ATAD2B: variants seen among roughly 807,000 people sequenced by gnomAD.
ATAD2B encodes ATPase family AAA domain containing 2B, also known as ATPase family AAA domain-containing protein 2B.
ATAD2B carries 40 observed loss-of-function variants against 167.6 expected under a neutral mutation model. That is an observed-to-expected ratio of 0.24 (90% CI 0.19 to 0.31). ATAD2B has a LOEUF of 0.31. Ranked by LOEUF, ATAD2B falls within the 10% of genes least tolerant of loss-of-function variation. The pLI is 1.00. For synonymous variants in ATAD2B, 579 were observed against 596.5 expected (o/e 0.97, Z 0.43); for missense variants, 1,242 against 1,757.2 (o/e 0.71, Z 5.24).
At chr2:23,782,724 A>G in intron 22 of ATAD2B, 145 bp downstream of exon 22, 2 of 545,382 alleles carry the variant, frequency 3.7e-6, no homozygotes, top group Non-Finnish European at 6.2e-6. Context: ...ATTTTTATGT[A>G]GGCTATGAGC....
chr2:23,699,375 G>A, the ATAD2B span, among the ~76,000 whole-genome samples: 1 of 152,248 alleles, frequency 6.6e-6, no homozygotes, highest in African/African-American at 2.4e-5. Context: ...GAGCAGCATG[G>A]TGGGCGGTAG....
At chr2:23,905,858 C>A (rs534341923) in intron 1 of ATAD2B, among the ~76,000 whole-genome samples, 1 of 152,138 alleles carries the variant, frequency 6.6e-6, no homozygotes, top group Non-Finnish European at 1.5e-5. Flanking sequence ...AAGGTAGTCC[C>A]TGCCTTTCAT....
intron 18 of ATAD2B, chr2:23,800,071 C>A (rs1683234969): frequency 7.1e-6 from 1 of 141,706 alleles, no homozygotes; most frequent in Non-Finnish European, 1.5e-5. Context: ...ACAAAGGCAA[C>A]TGAGGCACTT....
At chr2:23,797,943 G>A (rs1311550752) in intron 19 of ATAD2B, among the ~76,000 whole-genome samples, 195 bp downstream of exon 19, 1 of 152,018 alleles carries the variant, frequency 6.6e-6, no homozygotes, top group Non-Finnish European at 1.5e-5. Context: ...TAACAACACT[G>A]TGGAATACCA....
intron 7 of ATAD2B, among the ~76,000 whole-genome samples, chr2:23,878,802 G>C (rs964123958): frequency 6.6e-6 from 1 of 151,990 alleles, no homozygotes; most frequent in Non-Finnish European, 1.5e-5. Context: ...CTAATATCCA[G>C]AACATATAAG....
At chr2:23,807,960 A>T (rs1375398787) in intron 18 of ATAD2B, among the ~76,000 whole-genome samples, 3 of 92,290 alleles carry the variant, frequency 3.3e-5, no homozygotes, top group African/African-American at 7.5e-5. Context: ...AATATTTATA[A>T]TATATATATT....
intron 1 of ATAD2B, among the ~76,000 whole-genome samples, chr2:23,922,069 C>G (rs1247818281): frequency 6.6e-6 from 1 of 152,164 alleles, no homozygotes; most frequent in South Asian, 2.1e-4. Context: ...TAAAGTAATA[C>G]AGCATTTTAC....
At chr2:23,834,152 CTT>C (rs11378615) in intron 13 of ATAD2B, 74 bp from the exon 14 acceptor site, 1,737 of 119,126 alleles carry the variant, frequency 0.015, no homozygotes, top group South Asian at 0.054. Flanking sequence ...ATCAGTCTTT[CTT>C]TTTTTTTTTT....
chr2:23,755,864 TAGG>T (rs1343784504), intron 25 of ATAD2B, among the ~76,000 whole-genome samples: 2 of 152,180 alleles, frequency 1.3e-5, no homozygotes, highest in African/African-American at 4.8e-5. Context: ...TACCATATGC[TAGG>T]AGTTTTGTTA....
At chr2:23,794,959 A>G (rs1050605801) in intron 19 of ATAD2B, among the ~76,000 whole-genome samples, 1 of 152,314 alleles carries the variant, frequency 6.6e-6, no homozygotes, top group Non-Finnish European at 1.5e-5. Context: ...GACACAAGAG[A>G]ATGTCAAAGA....
chr2:23,761,825 C>T (rs1676776121), intron 24 of ATAD2B, among the ~76,000 whole-genome samples: 1 of 152,176 alleles, frequency 6.6e-6, no homozygotes, highest in Non-Finnish European at 1.5e-5. Context: ...AGATCAGACA[C>T]ACCCACATGC....
chr2:23,836,146 GGCA>G (rs1172030813), intron 13 of ATAD2B, among the ~76,000 whole-genome samples: 1 of 152,158 alleles, frequency 6.6e-6, no homozygotes, highest in Non-Finnish European at 1.5e-5. Context: ...CCAGGCATGG[GGCA>G]GCAAGGGGTG....
At chr2:23,683,688 A>G in the ATAD2B span, among the ~76,000 whole-genome samples, 1 of 152,224 alleles carries the variant, frequency 6.6e-6, no homozygotes, top group African/African-American at 2.4e-5. Flanking sequence ...GCTGTAAAGC[A>G]GGCTCTGCCC....
the ATAD2B span, among the ~76,000 whole-genome samples, chr2:23,724,353 G>A: frequency 1.3e-5 from 2 of 152,104 alleles, no homozygotes; most frequent in African/African-American, 4.8e-5. Flanking sequence ...CATTGTATGT[G>A]TTGAAACATC....
the ATAD2B span, among the ~76,000 whole-genome samples, chr2:23,700,324 A>G: frequency 6.6e-6 from 1 of 152,228 alleles, no homozygotes; most frequent in Non-Finnish European, 1.5e-5. This position sits in a 1 kb window ranked among gnomAD's most constrained non-coding sequence, Gnocchi z 4.6. Flanking sequence ...TAATTATTAA[A>G]AATTATATAC....
At chr2:23,784,842 G>A (rs1680581416) in intron 21 of ATAD2B, among the ~76,000 whole-genome samples, 1 of 152,012 alleles carries the variant, frequency 6.6e-6, no homozygotes, top group Non-Finnish European at 1.5e-5. Flanking sequence ...GGCATGTCCT[G>A]TTATCCCAGT....
chr2:23,724,780 A>G, the ATAD2B span, among the ~76,000 whole-genome samples: 15 of 152,178 alleles, frequency 9.9e-5, no homozygotes, highest in African/African-American at 3.6e-4. Flanking sequence ...ACGGTGGCTC[A>G]CGCCTGTAAT....
the ATAD2B span, among the ~76,000 whole-genome samples, chr2:23,724,387 C>T: frequency 6.6e-6 from 1 of 151,830 alleles, no homozygotes. Flanking sequence ...TGAATACGTA[C>T]AATTATTGTC....
Position 23,920,979 on chromosome 2 carries a change from C to T in ATAD2B, c.216+5576G>A, listed in dbSNP as rs185356372. Among the ~76,000 whole-genome samples, 52 of 152,050 alleles carry T rather than the reference C, an allele frequency of 3.4e-4. 1 individual carries two copies. The highest frequency in any genetic ancestry group is 2.9e-3 in the Admixed American group (44 of 15,274). The stretch of plus-strand genomic sequence containing the variant: ...CAGCACTTTGGGAGACCGAGGCGGG[C>T]GGGTCGCCTGAGGTCAGGAGTTCGA... On this transcript the variant is annotated intron_variant, in intron 1 of 27. Coordinates refer to ENST00000238789, the MANE Select transcript of ATAD2B (RefSeq NM_017552.4).
Sources: allele counts gnomAD v4.1 joint callset (sites outside exome capture counted in the v4.1 genomes callset), GRCh38; gene constraint gnomAD v4.1.1; non-coding constraint Gnocchi (gnomAD v3.1); transcripts MANE v1.5; gene names NCBI Gene and HGNC (gene_info 2026-07-23, HGNC 2026-07-21).